TNFAIP8: variants seen among roughly 807,000 people sequenced by gnomAD.
The protein encoded by TNFAIP8 is TNF alpha induced protein 8.
A neutral mutation model predicts 13.3 loss-of-function variants in TNFAIP8; 7 were observed. The ratio of observed to expected loss-of-function variants is 0.52; its 90% confidence interval spans 0.30 to 0.99. The LOEUF is 0.99. Ranked by LOEUF, TNFAIP8 falls within the 50% of genes least tolerant of loss-of-function variation. The pLI is 0.07. For synonymous variants in TNFAIP8, 94 were observed against 87.6 expected (o/e 1.07, Z -0.41); for missense variants, 258 against 236.9 (o/e 1.09, Z -0.58).
intron 1 of TNFAIP8, among the ~76,000 whole-genome samples, chr5:119,345,509 A>C (rs1018651753): frequency 6.6e-6 from 1 of 152,230 alleles, no homozygotes; most frequent in African/African-American, 2.4e-5. Context: ...ATACAATGGA[A>C]TATCACCCAG....
chr5:119,339,477 T>G (rs1208190755), intron 1 of TNFAIP8, among the ~76,000 whole-genome samples: 1 of 151,266 alleles, frequency 6.6e-6, no homozygotes, highest in Admixed American at 6.6e-5. Context: ...TTTTTTTTTT[T>G]TTTAAACTGA....
intron 1 of TNFAIP8, among the ~76,000 whole-genome samples, chr5:119,360,344 A>C (rs1222465932): frequency 1.3e-5 from 2 of 152,210 alleles, no homozygotes; most frequent in Admixed American, 6.5e-5. Flanking sequence ...TTCTGTCTTT[A>C]TGCTAGCAAC....
intron 1 of TNFAIP8, among the ~76,000 whole-genome samples, chr5:119,289,005 C>G (rs1416431294): frequency 1.3e-5 from 2 of 152,208 alleles, no homozygotes; most frequent in African/African-American, 4.8e-5. Flanking sequence ...CCAACTGCTT[C>G]CTAGCACGGT....
chr5:119,383,474 T>C (rs10064524), intron 1 of TNFAIP8, among the ~76,000 whole-genome samples: 16,448 of 152,228 alleles, frequency 0.11, 1,455 homozygotes, highest in African/African-American at 0.26. Flanking sequence ...TTACTGATAA[T>C]GTGTGTGTGG....
At chr5:119,337,473 G>T (rs1750592148) in intron 1 of TNFAIP8, among the ~76,000 whole-genome samples, 1 of 152,172 alleles carries the variant, frequency 6.6e-6, no homozygotes, top group Admixed American at 6.5e-5. Flanking sequence ...ATTTTTAGGA[G>T]AGTGGTGCTC....
chr5:119,341,750 A>C lies in TNFAIP8; in HGVS notation c.2-51066A>C, dbSNP rs1414092623. 2.0e-5 allele frequency among the ~76,000 whole-genome samples: 3 copies of C among 152,178 alleles called. No individual in the cohort carries two copies. The East Asian group carries it at 5.8e-4, about 29-fold the overall frequency. ...TTTAGGGGCTGAATCTGTTTAGAGAAGTAGAGATGGAAATCTCAATCAAAA... is the reference window on the plus strand; with the variant it reads ...TTTAGGGGCTGAATCTGTTTAGAGACGTAGAGATGGAAATCTCAATCAAAA... On this transcript the variant is annotated intron_variant, in intron 1 of 1. Transcript: ENST00000274456.
In TNFAIP8 at chr5:119,394,723, C is replaced by G. The variant is rs1330015160; in HGVS notation, c.*1342C>G. ...CCAGGTTCAAGTGATTCTCCTGCCT[C>G]TGCCTCCCAAGTAGCTGGGATTACA... On this transcript the variant is annotated 3_prime_UTR_variant, in exon 2 of 2. Transcript: ENST00000504771. The G allele has an allele frequency of 6.6e-6, 1 of 151,164 alleles. No individual in the cohort carries two copies. Among genetic ancestry groups the G allele is most frequent in the Non-Finnish European group, 1.5e-5 (1 of 68,056 alleles). 9.4% of individuals were successfully genotyped at this position (151,164 alleles called of 1,614,324 possible).
At chr5:119,294,343 A>G (rs1329541717) in intron 1 of TNFAIP8, among the ~76,000 whole-genome samples, 1 of 152,020 alleles carries the variant, frequency 6.6e-6, no homozygotes, top group Non-Finnish European at 1.5e-5. Flanking sequence ...GATGATTTCC[A>G]ATTTCATCCA....
chr5:119,363,642 A>G (rs1477470914), intron 1 of TNFAIP8, among the ~76,000 whole-genome samples: 1 of 152,250 alleles, frequency 6.6e-6, no homozygotes, highest in East Asian at 1.9e-4. Context: ...CTATACATTC[A>G]CAACATTGCT....
At chr5:119,315,495 G>A (rs1749866443) in intron 1 of TNFAIP8, among the ~76,000 whole-genome samples, 1 of 152,184 alleles carries the variant, frequency 6.6e-6, no homozygotes, top group African/African-American at 2.4e-5. Context: ...CAGACAATGT[G>A]TGTTGGCATA....
intron 1 of TNFAIP8, among the ~76,000 whole-genome samples, chr5:119,328,958 G>A (rs1408177311): frequency 2.6e-5 from 4 of 152,192 alleles, no homozygotes; most frequent in Non-Finnish European, 4.4e-5. Flanking sequence ...GCCAGCACTC[G>A]GTGTTTCTTT....
chr5:119,314,186 CAAA>C (rs1749815379), intron 1 of TNFAIP8, among the ~76,000 whole-genome samples: 1 of 151,812 alleles, frequency 6.6e-6, no homozygotes, highest in South Asian at 2.1e-4. Context: ...AACAAACAAA[CAAA>C]CAAACAAACA....
At chr5:119,315,145 C>T (rs1322538815) in intron 1 of TNFAIP8, among the ~76,000 whole-genome samples, 2 of 152,112 alleles carry the variant, frequency 1.3e-5, no homozygotes, top group Admixed American at 1.3e-4. Context: ...TGCAGTGGTG[C>T]GATCTCAGCT....
intron 1 of TNFAIP8, among the ~76,000 whole-genome samples, chr5:119,276,580 C>T (rs756257785): frequency 7.9e-5 from 12 of 152,126 alleles, no homozygotes; most frequent in African/African-American, 2.7e-4. Context: ...AAGATCAAGA[C>T]GTCAACAGGT....
At chr5:119,375,175 A>G (rs1324461336) in intron 1 of TNFAIP8, among the ~76,000 whole-genome samples, 1 of 152,224 alleles carries the variant, frequency 6.6e-6, no homozygotes, top group Non-Finnish European at 1.5e-5. Context: ...TCATAATCCC[A>G]ACAGAAAGCA....
At chr5:119,367,343 G>A (rs1751896850) in intron 1 of TNFAIP8, among the ~76,000 whole-genome samples, 1 of 152,126 alleles carries the variant, frequency 6.6e-6, no homozygotes, top group African/African-American at 2.4e-5. Flanking sequence ...TATGGTCTTA[G>A]GCAATTTTCT....
chr5:119,362,633 A>T (rs1331262445), intron 1 of TNFAIP8, among the ~76,000 whole-genome samples: 1 of 151,776 alleles, frequency 6.6e-6, no homozygotes, highest in Non-Finnish European at 1.5e-5. Context: ...CCCCATCTCT[A>T]CAAAAAAAAT....
chr5:119,300,180 A>G (rs1454348475), intron 1 of TNFAIP8, among the ~76,000 whole-genome samples: 1 of 152,238 alleles, frequency 6.6e-6, no homozygotes, highest in Non-Finnish European at 1.5e-5. Context: ...ATGGAAATGC[A>G]GAAATCACCT....
rs753326772 is a variant in TNFAIP8, at chr5:119,306,324, CT to C, written c.1+37433del. The C allele has an allele frequency of 3.3e-3, 344 of 104,432 alleles. 2 individuals carry two copies. Among genetic ancestry groups the C allele is most frequent in the East Asian group, 0.014 (60 of 4,376 alleles). The allele number at this position is 104,432 out of a possible 1,614,324, so 6.5% of individuals were successfully genotyped here. On this transcript the variant is annotated intron_variant, in intron 1 of 1. Coordinates refer to the TNFAIP8 transcript ENST00000274456. Reference sequence around the variant, plus strand: ...CTTTTTTCTTTCTTTCTTTCTTTTTCTTTTTTTTTTTTTTTTCCAAGATGGG... The same window carrying C: ...CTTTTTTCTTTCTTTCTTTCTTTTTCTTTTTTTTTTTTTTTCCAAGATGGG...
Sources: allele counts gnomAD v4.1 joint callset (sites outside exome capture counted in the v4.1 genomes callset), GRCh38; gene constraint gnomAD v4.1.1; transcripts MANE v1.5; gene names NCBI Gene and HGNC (gene_info 2026-07-23, HGNC 2026-07-21).